The following ARHGAP24 variants were observed in gnomAD, a reference collection of about 807,000 sequenced individuals.
ARHGAP24 encodes the protein Rho GTPase activating protein 24, also known as rho GTPase-activating protein 24.
A neutral mutation model predicts 76.4 loss-of-function variants in ARHGAP24; 50 were observed. That is an observed-to-expected ratio of 0.65 (90% CI 0.52 to 0.83). The LOEUF is 0.83. ARHGAP24 is among the 40% of genes least tolerant of loss of function. The pLI, the probability that ARHGAP24 is intolerant of heterozygous loss-of-function variation, is 0.00. For missense variants in ARHGAP24, 930 were observed against 914.2 expected, an observed-to-expected ratio of 1.02 and a Z score of -0.22; for synonymous variants, 345 against 323.3, an observed-to-expected ratio of 1.07 and a Z score of -0.72.
chr4:85,699,513 G>T (rs903749529), intron 2 of ARHGAP24, among the ~76,000 whole-genome samples: 4 of 152,004 alleles, frequency 2.6e-5, no homozygotes, highest in African/African-American at 4.8e-5. Context: ...GATGTGGGAG[G>T]ATCACTTGAA....
At chr4:85,653,531 T>C (rs1722025367) in intron 2 of ARHGAP24, among the ~76,000 whole-genome samples, 1 of 152,184 alleles carries the variant, frequency 6.6e-6, no homozygotes, top group African/African-American at 2.4e-5. Flanking sequence ...TGGAGTGCAG[T>C]GTAGCGATCT....
rs1185155863 is a variant in ARHGAP24, at chr4:85,739,614, CTTTTTTTTTTTT to C, written c.268+17661_268+17672del. ...ATATCGTGAAAACTCCACGTTCAAT[CTTTTTTTTTTTT>C]TTTTTTTTTTTTTTTTTTGAGATGG... On this transcript the variant is annotated intron_variant, in intron 3 of 9. Transcript: ENST00000395184. 4.0e-4 allele frequency among the ~76,000 whole-genome samples: 3 copies of C among 7,462 alleles called. 1 individual carries two copies. Among genetic ancestry groups the C allele is most frequent in the African/African-American group, 4.3e-4 (3 of 7,046 alleles). The allele number at this position is 7,462 out of a possible 152,430, so 4.9% of individuals were successfully genotyped here.
intron 8 of ARHGAP24, among the ~76,000 whole-genome samples, chr4:85,981,867 C>T (rs1340969294): frequency 1.3e-5 from 2 of 152,140 alleles, no homozygotes; most frequent in Non-Finnish European, 2.9e-5. Context: ...CTTTTAGCCG[C>T]TCTTCTTAAA....
chr4:85,491,976 T>C (rs9994893), intron 1 of ARHGAP24, among the ~76,000 whole-genome samples: 3,714 of 152,274 alleles, frequency 0.024, 166 homozygotes, highest in African/African-American at 0.084. Flanking sequence ...GTTTCTATTC[T>C]TTCTCTAACC....
intron 2 of ARHGAP24, chr4:85,604,175 G>A (rs975239967): frequency 3.3e-5 from 5 of 152,194 alleles, no homozygotes; most frequent in African/African-American, 1.2e-4. Flanking sequence ...GCTTGAATGA[G>A]ATGCTTTGAA....
At chr4:85,746,669 T>A (rs944308125) in intron 3 of ARHGAP24, among the ~76,000 whole-genome samples, 1 of 152,092 alleles carries the variant, frequency 6.6e-6, no homozygotes, top group South Asian at 2.1e-4. Flanking sequence ...TTGTTTTTTT[T>A]AGATGGAGTC....
intron 5 of ARHGAP24, among the ~76,000 whole-genome samples, chr4:85,953,530 T>C (rs1377522137): frequency 6.6e-6 from 1 of 152,142 alleles, no homozygotes; most frequent in East Asian, 1.9e-4. Context: ...TGTGTAAGAA[T>C]GACTTAGAGA....
chr4:85,516,782 T>C lies in ARHGAP24; in HGVS notation c.-21+41223T>C, dbSNP rs148006357. Among the ~76,000 whole-genome samples, 1,094 of 152,206 alleles carry C rather than the reference T, an allele frequency of 7.2e-3. 14 individuals carry two copies. Among genetic ancestry groups the C allele is most frequent in the African/African-American group, 0.025 (1,048 of 41,544 alleles). On this transcript the variant is annotated intron_variant, in intron 1 of 9. Coordinates refer to ENST00000395184, the MANE Select transcript of ARHGAP24 (RefSeq NM_001025616.3). ...AGCCATACAGAAGTTTCTGCCTCCC[T>C]GCCCCCAACTTTTAATTTTATGGTA...
At chr4:85,799,285 G>A (rs1160660774) in intron 3 of ARHGAP24, among the ~76,000 whole-genome samples, 1 of 151,828 alleles carries the variant, frequency 6.6e-6, no homozygotes, top group Non-Finnish European at 1.5e-5. Flanking sequence ...GGGACACCTT[G>A]TGTACCAGAT....
chr4:85,475,741 G>A (rs1170084925), intron 1 of ARHGAP24, among the ~76,000 whole-genome samples, 182 bp downstream of exon 1: 1 of 144,568 alleles, frequency 6.9e-6, no homozygotes, highest in African/African-American at 2.6e-5. Flanking sequence ...GGCGGGGAGG[G>A]ATCGCAGGAA....
At chr4:85,609,184 A>C (rs2109994193) in intron 2 of ARHGAP24, among the ~76,000 whole-genome samples, 1 of 152,318 alleles carries the variant, frequency 6.6e-6, no homozygotes, top group South Asian at 2.1e-4. Context: ...ACCCCTATAA[A>C]ATTATCTATT....
intron 2 of ARHGAP24, among the ~76,000 whole-genome samples, chr4:85,663,920 C>T (rs1443544091): frequency 6.6e-6 from 1 of 151,754 alleles, no homozygotes; most frequent in African/African-American, 2.4e-5. Flanking sequence ...ATTCAGTTTG[C>T]CAGTATTTTA....
At chr4:85,704,143 A>G (rs1328306287) in intron 2 of ARHGAP24, among the ~76,000 whole-genome samples, 1 of 152,190 alleles carries the variant, frequency 6.6e-6, no homozygotes, top group Non-Finnish European at 1.5e-5. Context: ...ATTCAATTCA[A>G]TTGTATGCAT....
At chr4:85,559,394 C>A (rs1302506226) in intron 1 of ARHGAP24, among the ~76,000 whole-genome samples, 1 of 152,210 alleles carries the variant, frequency 6.6e-6, no homozygotes, top group Non-Finnish European at 1.5e-5. Flanking sequence ...CATTACCTCA[C>A]ATCCTTATTT....
At chr4:85,900,187 T>C (rs1249997745) in intron 3 of ARHGAP24, among the ~76,000 whole-genome samples, 2 of 152,240 alleles carry the variant, frequency 1.3e-5, no homozygotes, top group Admixed American at 1.3e-4. Flanking sequence ...ATTTGCATAT[T>C]CTTAATATCA....
chr4:85,696,193 G>A (rs1723858187), intron 2 of ARHGAP24, among the ~76,000 whole-genome samples: 1 of 151,286 alleles, frequency 6.6e-6, no homozygotes, highest in Admixed American at 6.6e-5. Context: ...ATTACATATT[G>A]AATGTATTTA....
intron 5 of ARHGAP24, among the ~76,000 whole-genome samples, chr4:85,951,676 A>G (rs1192385599): frequency 1.3e-5 from 2 of 152,200 alleles, no homozygotes; most frequent in Admixed American, 6.5e-5. Flanking sequence ...TTCCTTGTGA[A>G]ACATTTTAAA....
chr4:85,818,447 T>C (rs555716152), intron 3 of ARHGAP24, among the ~76,000 whole-genome samples: 3 of 152,342 alleles, frequency 2.0e-5, no homozygotes, highest in South Asian at 4.1e-4. Flanking sequence ...TAATTAGTGT[T>C]TTTTTCTTCA....
chr4:85,738,959 T>C (rs1371934075), intron 3 of ARHGAP24, among the ~76,000 whole-genome samples: 1 of 152,242 alleles, frequency 6.6e-6, no homozygotes, highest in Non-Finnish European at 1.5e-5. Flanking sequence ...TTCTCTTGTC[T>C]GCCGCCTGCT....
Sources: gnomAD v4.1 joint callset for allele counts (sites outside exome capture counted in the v4.1 genomes callset) on GRCh38, gnomAD v4.1.1 for gene constraint, MANE v1.5 for transcripts, NCBI Gene and HGNC (gene_info 2026-07-23, HGNC 2026-07-21) for gene names.